The following SLC44A5 variants were observed in gnomAD, a reference collection of about 807,000 sequenced individuals.
The protein encoded by SLC44A5 is choline transporter-like protein 5.
SLC44A5 carries 57 observed loss-of-function variants against 101.8 expected under a neutral mutation model. The ratio of observed to expected loss-of-function variants is 0.56; its 90% CI spans 0.45 to 0.70. The LOEUF (loss-of-function observed/expected upper bound fraction) is 0.70, where lower values mean the gene tolerates loss of function less well. Ranked by LOEUF, SLC44A5 falls within the 30% of genes least tolerant of loss-of-function variation. The pLI is 0.00. For missense variants in SLC44A5, 737 were observed against 853.1 expected (o/e 0.86, Z 1.70); for synonymous variants, 281 against 290.9 (o/e 0.97, Z 0.35).
intron 13 of SLC44A5, 56 bp downstream of exon 13, chr1:75,227,670 A>G: frequency 6.9e-7 from 1 of 1,442,858 alleles, no homozygotes; most frequent in South Asian, 1.5e-5. Flanking sequence ...CCTTTAGGCA[A>G]AAAGATATTT....
chr1:75,553,332 C>G (rs1453156594), intron 1 of SLC44A5, among the ~76,000 whole-genome samples: 1 of 152,052 alleles, frequency 6.6e-6, no homozygotes, highest in Non-Finnish European at 1.5e-5. Context: ...TAAATTTTTT[C>G]ATTGTTTTTT....
intron 2 of SLC44A5, among the ~76,000 whole-genome samples, chr1:75,403,833 T>A (rs1231343645): frequency 6.6e-6 from 1 of 151,892 alleles, no homozygotes; most frequent in African/African-American, 2.4e-5. Flanking sequence ...GGAACAAAAC[T>A]GGACAGAGAA....
At chr1:75,264,120 A>G (rs1032566096) in intron 6 of SLC44A5, among the ~76,000 whole-genome samples, 7 of 90,296 alleles carry the variant, frequency 7.8e-5, no homozygotes, top group East Asian at 4.4e-4. Context: ...CCCATCACTT[A>G]AAGTATTTAA....
chr1:75,409,434 A>G (rs1332547384), intron 2 of SLC44A5, among the ~76,000 whole-genome samples: 2 of 152,160 alleles, frequency 1.3e-5, no homozygotes, highest in Non-Finnish European at 2.9e-5. Context: ...TAAAAAAGAA[A>G]GGTGATTGAT....
intron 1 of SLC44A5, among the ~76,000 whole-genome samples, chr1:75,573,422 G>A (rs550161249): frequency 6.6e-6 from 1 of 152,108 alleles, no homozygotes; most frequent in African/African-American, 2.4e-5. Flanking sequence ...ACCTCTGGGG[G>A]TAGGGAAGGG....
chr1:75,644,949 C>T, the SLC44A5 span, among the ~76,000 whole-genome samples: 86 of 152,240 alleles, frequency 5.6e-4, no homozygotes, highest in East Asian at 0.013. Flanking sequence ...CTCCAAAGGA[C>T]ATGAACTCAT....
At chr1:75,539,199 A>C (rs949065390) in intron 2 of SLC44A5, among the ~76,000 whole-genome samples, 2 of 152,232 alleles carry the variant, frequency 1.3e-5, no homozygotes, top group African/African-American at 4.8e-5. Flanking sequence ...TCTCTACTTT[A>C]GTCAGATAAT....
intron 3 of SLC44A5, among the ~76,000 whole-genome samples, chr1:75,385,611 C>T (rs1454740720): frequency 6.6e-6 from 1 of 152,138 alleles, no homozygotes; most frequent in Non-Finnish European, 1.5e-5. Flanking sequence ...GGATTCACAG[C>T]CAAATTCTAC....
Position 75,219,335 on chromosome 1 carries a change from C to T in SLC44A5, c.1188G>A (p.Ala396=), listed in dbSNP as rs531608712. The T allele has an allele frequency of 9.5e-5, 153 of 1,610,170 alleles. 1 individual carries two copies. In the South Asian group the frequency reaches 1.3e-3, roughly 14 times the overall value. The change falls in exon 16 of 24, where the codon GCG becomes GCA. Residue 396 remains alanine (A), a synonymous_variant. Transcript: ENST00000370859. ...CYWVVTAVFL[A]TSGVPVYKVI... ...CTTTGTATACAGGTACCCCCGATGT[C>T]GCCAAGAAACTGAATAAACTCCATT... is the stretch of plus-strand genomic sequence containing the variant.
At chr1:75,644,643 T>TA in the SLC44A5 span, among the ~76,000 whole-genome samples, 51,593 of 111,308 alleles carry the variant, frequency 0.46, 10,398 homozygotes, top group East Asian at 0.91. Flanking sequence ...TATATATATA[T>TA]TTTTTTTTAA....
chr1:75,334,809 G>T (rs1657315159), intron 4 of SLC44A5, among the ~76,000 whole-genome samples: 1 of 152,150 alleles, frequency 6.6e-6, no homozygotes. Flanking sequence ...CATTTTGAAA[G>T]AACATTAAAG....
At chr1:75,557,196 C>A (rs1246352724) in intron 1 of SLC44A5, among the ~76,000 whole-genome samples, 1 of 152,098 alleles carries the variant, frequency 6.6e-6, no homozygotes, top group Non-Finnish European at 1.5e-5. Flanking sequence ...GTGCTATTAA[C>A]CATAATGTTA....
At chr1:75,714,750 C>T in the SLC44A5 span, among the ~76,000 whole-genome samples, 3 of 151,254 alleles carry the variant, frequency 2.0e-5, no homozygotes, top group South Asian at 6.2e-4. Context: ...GATCTCAGCT[C>T]ACTGCAACCT....
chr1:75,488,564 T>G (rs1668275828), intron 2 of SLC44A5, among the ~76,000 whole-genome samples: 1 of 152,244 alleles, frequency 6.6e-6, no homozygotes, highest in Admixed American at 6.5e-5. Context: ...TTAAAATGAC[T>G]GTCCAAATAA....
At chr1:75,386,834 A>G (rs946689342) in intron 3 of SLC44A5, among the ~76,000 whole-genome samples, 6 of 152,156 alleles carry the variant, frequency 3.9e-5, no homozygotes, top group African/African-American at 1.4e-4. Context: ...AGTAAGCAAA[A>G]CAGCATGGTA....
rs550686501 is a variant in SLC44A5 at position 75,203,948 on chromosome 1, T to G, written c.2048-115A>C. 26 of 1,304,870 alleles carry G rather than the reference T, an allele frequency of 2.0e-5. No individual in the cohort carries two copies. In the African/African-American group the frequency reaches 3.0e-4, roughly 15 times the overall value. 80.8% of individuals were successfully genotyped at this position (1,304,870 alleles called of 1,614,324 possible). A position where few individuals can be genotyped will look rare whatever the true frequency, so the allele number is the denominator to read the frequency against. ...TTCAAAATCCTTTTGTTGTTTTTTT[T>G]TTGTTGTTGTTTTTTAAACAGCATA... is the stretch of plus-strand genomic sequence containing the variant. On this transcript the variant is annotated intron_variant, in intron 23 of 23. Coordinates refer to ENST00000370859, the MANE Select transcript of SLC44A5 (RefSeq NM_001130058.2).
At chr1:75,369,643 T>C (rs531190411) in intron 3 of SLC44A5, among the ~76,000 whole-genome samples, 1 of 152,314 alleles carries the variant, frequency 6.6e-6, no homozygotes, top group Admixed American at 6.5e-5. Flanking sequence ...TTCATAGCAA[T>C]ACTTTTGGCA....
At chr1:75,478,431 G>A (rs1200836630) in intron 2 of SLC44A5, among the ~76,000 whole-genome samples, 1 of 152,158 alleles carries the variant, frequency 6.6e-6, no homozygotes, top group African/African-American at 2.4e-5. Context: ...TGGACTAAAT[G>A]CTCCAATGGA....
At chr1:75,679,724 C>A in the SLC44A5 span, among the ~76,000 whole-genome samples, 1 of 151,486 alleles carries the variant, frequency 6.6e-6, no homozygotes, top group African/African-American at 2.4e-5. Context: ...AAATAACCAG[C>A]TAACATCATA....
Sources: gnomAD v4.1 joint callset for allele counts (sites outside exome capture counted in the v4.1 genomes callset) on GRCh38, gnomAD v4.1.1 for gene constraint, MANE v1.5 for transcripts, NCBI Gene and HGNC (gene_info 2026-07-23, HGNC 2026-07-21) for gene names.